Variants in CNTNAP2 observed in about 807,000 individuals in gnomAD.
The protein encoded by CNTNAP2 is contactin associated protein 2.
CNTNAP2 carries 98 observed loss-of-function variants against 155.2 expected under a neutral mutation model. The ratio of observed to expected loss-of-function variants is 0.63; its 90% confidence interval spans 0.54 to 0.75. CNTNAP2 has a LOEUF of 0.75. Among genes scored for constraint, CNTNAP2 ranks in the 30% least tolerant of loss-of-function variants. The pLI is 0.00. For missense variants in CNTNAP2, 1,727 were observed against 1,688.1 expected (o/e 1.02, Z -0.40); for synonymous variants, 651 against 631.2 (o/e 1.03, Z -0.47).
At chr7:147,521,674 T>C (rs887242226) in intron 11 of CNTNAP2, among the ~76,000 whole-genome samples, 2 of 152,150 alleles carry the variant, frequency 1.3e-5, no homozygotes, top group African/African-American at 4.8e-5. Context: ...CTGTCTTCAC[T>C]CGCCAGGATC....
At chr7:146,120,429 C>A (rs1797544799) in intron 1 of CNTNAP2, among the ~76,000 whole-genome samples, 1 of 152,038 alleles carries the variant, frequency 6.6e-6, no homozygotes, top group Admixed American at 6.5e-5. Flanking sequence ...AATCATTGTT[C>A]AAATTTTACT....
chr7:147,960,526 A>G (rs547118954), intron 14 of CNTNAP2, among the ~76,000 whole-genome samples: 1 of 152,362 alleles, frequency 6.6e-6, no homozygotes, highest in South Asian at 2.1e-4. Context: ...ATCCAGGCAG[A>G]CAAGGACAAA....
At chr7:147,938,885 A>G (rs1563141566) in intron 14 of CNTNAP2, among the ~76,000 whole-genome samples, 1 of 152,218 alleles carries the variant, frequency 6.6e-6, no homozygotes, top group Non-Finnish European at 1.5e-5. Flanking sequence ...ACCTAGCCCA[A>G]CTGGAGGCTT....
intron 18 of CNTNAP2, among the ~76,000 whole-genome samples, chr7:148,183,870 T>G (rs1443075470): frequency 6.6e-6 from 1 of 152,222 alleles, no homozygotes; most frequent in African/African-American, 2.4e-5. Context: ...AGCTTAACTA[T>G]TTTTCAAATT....
At chr7:146,574,656 G>A (rs113104178) in intron 1 of CNTNAP2, among the ~76,000 whole-genome samples, 23 of 152,192 alleles carry the variant, frequency 1.5e-4, no homozygotes, top group African/African-American at 5.5e-4. Context: ...AGCCAAGATC[G>A]CACCACTGCA....
At chr7:147,076,981 C>T (rs941651693) in intron 4 of CNTNAP2, among the ~76,000 whole-genome samples, 12 of 152,086 alleles carry the variant, frequency 7.9e-5, no homozygotes, top group African/African-American at 2.9e-4. Flanking sequence ...TATTAGTTTC[C>T]TGAGTTTCTT....
intron 12 of CNTNAP2, among the ~76,000 whole-genome samples, chr7:147,574,278 T>G (rs1800347227): frequency 6.6e-6 from 1 of 152,134 alleles, no homozygotes; most frequent in Non-Finnish European, 1.5e-5. Context: ...AGTTACTTGA[T>G]TCTGTTCATT....
intron 4 of CNTNAP2, among the ~76,000 whole-genome samples, chr7:147,055,488 A>G (rs1016507589): frequency 2.6e-5 from 4 of 152,086 alleles, no homozygotes; most frequent in Admixed American, 6.6e-5. Context: ...TCTTTATCCC[A>G]TGGGTAAGGG....
intron 9 of CNTNAP2, among the ~76,000 whole-genome samples, chr7:147,367,510 T>C (rs1796254877): frequency 6.6e-6 from 1 of 152,180 alleles, no homozygotes; most frequent in Non-Finnish European, 1.5e-5. Context: ...AGTCCCAGCA[T>C]GATCCAGTAC....
intron 10 of CNTNAP2, among the ~76,000 whole-genome samples, chr7:147,408,510 C>A (rs552040773): frequency 2.0e-5 from 3 of 152,186 alleles, no homozygotes; most frequent in Admixed American, 2.0e-4. Context: ...CCTCTAATCC[C>A]GGCACTTTGG....
chr7:146,953,352 A>G (rs1213467895), intron 3 of CNTNAP2, among the ~76,000 whole-genome samples: 1 of 152,034 alleles, frequency 6.6e-6, no homozygotes, highest in Non-Finnish European at 1.5e-5. Context: ...TAGTTCTGCA[A>G]CTTGTAGTTT....
intron 13 of CNTNAP2, among the ~76,000 whole-genome samples, chr7:147,700,590 GC>G (rs1796221973): frequency 6.6e-6 from 1 of 152,192 alleles, no homozygotes; most frequent in Non-Finnish European, 1.5e-5. Flanking sequence ...CAGTATGAGT[GC>G]TAAATTGAAG....
chr7:146,395,822 T>A (rs796684856), intron 1 of CNTNAP2, among the ~76,000 whole-genome samples: 1 of 128,478 alleles, frequency 7.8e-6, no homozygotes, highest in African/African-American at 3.6e-5. Flanking sequence ...GATAGATAGA[T>A]AGAGGAGAGA....
At chr7:146,913,605 C>T (rs759883673) in intron 3 of CNTNAP2, among the ~76,000 whole-genome samples, 1 of 152,032 alleles carries the variant, frequency 6.6e-6, no homozygotes, top group Non-Finnish European at 1.5e-5. Context: ...TCACATGGCA[C>T]AGAGCTCAAA....
intron 2 of CNTNAP2, among the ~76,000 whole-genome samples, chr7:146,779,693 A>G (rs1563227623): frequency 6.6e-6 from 1 of 152,178 alleles, no homozygotes. Context: ...TGCCTCCTCA[A>G]AGATGTTTCC....
At chr7:146,226,140 C>T (rs1053236695) in intron 1 of CNTNAP2, among the ~76,000 whole-genome samples, 3 of 152,180 alleles carry the variant, frequency 2.0e-5, no homozygotes, top group African/African-American at 7.2e-5. Context: ...GTGACCCAAC[C>T]TCTTAGCACT....
At chr7:148,123,894 A>G (rs1804658682) in intron 16 of CNTNAP2, among the ~76,000 whole-genome samples, 1 of 152,206 alleles carries the variant, frequency 6.6e-6, no homozygotes, top group South Asian at 2.1e-4. Context: ...AGAGGTCCCT[A>G]AAACAAGGAC....
At chr7:146,838,556 G>A (rs1300511717) in intron 2 of CNTNAP2, among the ~76,000 whole-genome samples, 1 of 152,136 alleles carries the variant, frequency 6.6e-6, no homozygotes, top group Non-Finnish European at 1.5e-5. Context: ...GACCTCAGGT[G>A]ATCCACCTGC....
At chr7:147,652,250 A>C (rs1007400675) in intron 13 of CNTNAP2, among the ~76,000 whole-genome samples, 2 of 152,188 alleles carry the variant, frequency 1.3e-5, no homozygotes, top group Non-Finnish European at 1.5e-5. Flanking sequence ...TAGGACAATG[A>C]ATAATGTTGC....
Sources: allele counts gnomAD v4.1 joint callset (sites outside exome capture counted in the v4.1 genomes callset), GRCh38; gene constraint gnomAD v4.1.1; transcripts MANE v1.5; gene names NCBI Gene and HGNC (gene_info 2026-07-23, HGNC 2026-07-21).